The following ADK variants were observed in gnomAD, a reference collection of about 807,000 sequenced individuals.
ADK encodes the protein N6,N6-dimethyladenosine kinase.
A neutral mutation model predicts 44.7 loss-of-function variants in ADK; 24 were observed. That is an observed-to-expected ratio of 0.54 (90% CI 0.39 to 0.76). The LOEUF (loss-of-function observed/expected upper bound fraction) is 0.76, where lower values mean the gene tolerates loss of function less well. ADK is among the 30% of genes least tolerant of loss of function. The probability of loss-of-function intolerance (pLI) is 0.00; values close to 1 mark genes in which losing one functional copy is unlikely to be tolerated. For synonymous variants in ADK, 128 were observed against 142.6 expected, an observed-to-expected ratio of 0.90 and a Z score of 0.73; for missense variants, 321 against 425.1, an observed-to-expected ratio of 0.76 and a Z score of 2.15.
chr10:74,277,215 G>A (rs1846723821), intron 3 of ADK, among the ~76,000 whole-genome samples: 1 of 152,102 alleles, frequency 6.6e-6, no homozygotes, highest in Admixed American at 6.6e-5. Flanking sequence ...ACTACACCCA[G>A]CCTTTAAATA....
At chr10:74,303,760 G>A (rs1272530935) in intron 3 of ADK, among the ~76,000 whole-genome samples, 2 of 151,658 alleles carry the variant, frequency 1.3e-5, no homozygotes, top group African/African-American at 4.8e-5. Flanking sequence ...CTGAAGTCAG[G>A]AGTTCGAGAC....
chr10:74,214,589 T>C (rs534257416), intron 2 of ADK, among the ~76,000 whole-genome samples: 1 of 152,368 alleles, frequency 6.6e-6, no homozygotes, highest in Non-Finnish European at 1.5e-5. Flanking sequence ...GACTGTCCTA[T>C]TTCAGAACTT....
chr10:74,403,352 C>T (rs1199083966), intron 6 of ADK, among the ~76,000 whole-genome samples: 1 of 152,168 alleles, frequency 6.6e-6, no homozygotes, highest in East Asian at 1.9e-4. Context: ...ATGGAGTCTA[C>T]AGAGGCAGGC....
intron 8 of ADK, among the ~76,000 whole-genome samples, chr10:74,600,014 A>G (rs1852058904): frequency 1.3e-5 from 2 of 152,162 alleles, no homozygotes; most frequent in South Asian, 2.1e-4. Context: ...TTTTTGAAGT[A>G]TGATAATAGT....
chr10:74,635,979 T>C (rs1853610433), intron 9 of ADK, among the ~76,000 whole-genome samples: 1 of 150,940 alleles, frequency 6.6e-6, no homozygotes, highest in African/African-American at 2.4e-5. Context: ...TCCTAGCTAC[T>C]CAGAAGGCTG....
At chr10:74,251,337 C>T (rs1033976461) in intron 3 of ADK, among the ~76,000 whole-genome samples, 3 of 152,162 alleles carry the variant, frequency 2.0e-5, no homozygotes, top group African/African-American at 7.2e-5. Context: ...TTAAACCTCT[C>T]AAATCCTCAG....
At chr10:74,474,500 C>T (rs1846742287) in intron 6 of ADK, among the ~76,000 whole-genome samples, 1 of 150,830 alleles carries the variant, frequency 6.6e-6, no homozygotes, top group Non-Finnish European at 1.5e-5. Flanking sequence ...CCTTTCCTCT[C>T]CTTTCCTTCC....
chr10:74,243,999 T>TA (rs145495707), intron 3 of ADK, among the ~76,000 whole-genome samples: 1 of 151,170 alleles, frequency 6.6e-6, no homozygotes. Flanking sequence ...ATCGACACCT[T>TA]AAAAAAAAAC....
chr10:74,595,863 G>A (rs1395883648), intron 8 of ADK, among the ~76,000 whole-genome samples: 1 of 151,100 alleles, frequency 6.6e-6, no homozygotes, highest in East Asian at 2.0e-4. Context: ...TGGGTGTGGT[G>A]GCGGGCACCT....
At chr10:74,434,321 T>G (rs181854983) in intron 6 of ADK, among the ~76,000 whole-genome samples, 47 of 152,234 alleles carry the variant, frequency 3.1e-4, no homozygotes, top group Non-Finnish European at 5.3e-4. Context: ...AAAAGTGTAG[T>G]CTGAGAACTA....
At chr10:74,186,060 G>A (rs573113102) in intron 1 of ADK, among the ~76,000 whole-genome samples, 195 of 151,978 alleles carry the variant, frequency 1.3e-3, no homozygotes, top group Non-Finnish European at 2.3e-3. Flanking sequence ...TGTCGGCCAG[G>A]CTGCTCTGGA....
At chr10:74,362,019 T>G (rs1362651152) in intron 4 of ADK, among the ~76,000 whole-genome samples, 2 of 152,250 alleles carry the variant, frequency 1.3e-5, no homozygotes, top group African/African-American at 4.8e-5. Context: ...CTTTGTGAGT[T>G]TGATTATAAT....
intron 3 of ADK, among the ~76,000 whole-genome samples, chr10:74,301,036 G>C (rs1840014578): frequency 6.6e-6 from 1 of 152,102 alleles, no homozygotes; most frequent in African/African-American, 2.4e-5. Context: ...TCAAGAAAAA[G>C]CTCTGATAGA....
At chr10:74,658,394 C>T (rs1450678567) in intron 9 of ADK, among the ~76,000 whole-genome samples, 2 of 152,114 alleles carry the variant, frequency 1.3e-5, no homozygotes, top group Non-Finnish European at 2.9e-5. Flanking sequence ...CATAGATGGT[C>T]AGTGAGCTAT....
chr10:74,174,806 T>G (rs1842275586), intron 1 of ADK, among the ~76,000 whole-genome samples: 1 of 152,216 alleles, frequency 6.6e-6, no homozygotes, highest in Non-Finnish European at 1.5e-5. Flanking sequence ...AACACATCAG[T>G]TTTATAGACC....
intron 3 of ADK, among the ~76,000 whole-genome samples, chr10:74,251,894 CTTTTT>C (rs566363104): frequency 1.8e-4 from 18 of 99,382 alleles, no homozygotes; most frequent in Non-Finnish European, 2.6e-4. Flanking sequence ...GTGGCAGATA[CTTTTT>C]TTTTTTTTTT....
intron 4 of ADK, among the ~76,000 whole-genome samples, chr10:74,362,359 C>T (rs939682266): frequency 1.7e-5 from 2 of 114,426 alleles, no homozygotes; most frequent in East Asian, 2.2e-4. Flanking sequence ...TTGAGATTTT[C>T]GCTTCATTAA....
At chr10:74,600,522 A>C (rs199625422) in intron 9 of ADK, 29 bp downstream of exon 9, 9 of 1,454,040 alleles carry the variant, frequency 6.2e-6, no homozygotes, top group Non-Finnish European at 8.6e-6. Flanking sequence ...TGATGAATCT[A>C]GTATTATGGA....
At chr10:74,187,525 C>T (rs184052990) in intron 1 of ADK, among the ~76,000 whole-genome samples, 11 of 148,190 alleles carry the variant, frequency 7.4e-5, no homozygotes, top group Admixed American at 7.3e-4. Flanking sequence ...CACTCTTTCT[C>T]TCTCTCTCTC....
Sources: allele counts gnomAD v4.1 joint callset (sites outside exome capture counted in the v4.1 genomes callset), GRCh38; gene constraint gnomAD v4.1.1; transcripts MANE v1.5; gene names NCBI Gene and HGNC (gene_info 2026-07-23, HGNC 2026-07-21).